The following ERN1 variants were observed in gnomAD, a reference collection of about 807,000 sequenced individuals.
ERN1 encodes the protein serine/threonine-protein kinase/endoribonuclease IRE1.
Under a neutral mutation model 113.1 loss-of-function variants are expected in ERN1, and 39 were observed. That is an observed-to-expected ratio of 0.34 (90% CI 0.27 to 0.45). The LOEUF is 0.45. Ranked by LOEUF, ERN1 falls within the 20% of genes least tolerant of loss-of-function variation. The pLI, the probability that ERN1 is intolerant of heterozygous loss-of-function variation, is 1.00. For synonymous variants in ERN1, 507 were observed against 515.9 expected (o/e 0.98, Z 0.23); for missense variants, 976 against 1,274.8 (o/e 0.77, Z 3.57).
intron 19 of ERN1, among the ~76,000 whole-genome samples, chr17:64,047,137 T>A (rs1055950311): frequency 1.3e-5 from 2 of 152,186 alleles, no homozygotes; most frequent in African/African-American, 4.8e-5. Context: ...GGCGGGCAGA[T>A]CACCTGAGGT....
chr17:64,065,352 AATC>A, intron 8 of ERN1, 65 bp from the exon 9 acceptor site: 1 of 1,223,420 alleles, frequency 8.2e-7, no homozygotes, highest in Non-Finnish European at 1.2e-6. Flanking sequence ...AGAAGGGAGT[AATC>A]ATCACCCCAA....
intron 3 of ERN1, chr17:64,080,341 TC>T (rs1354008108): frequency 1.3e-4 from 21 of 167,850 alleles, no homozygotes; most frequent in Non-Finnish European, 2.5e-4. Flanking sequence ...ATAACTACAG[TC>T]CCTCAGAAAC....
intron 1 of ERN1, among the ~76,000 whole-genome samples, chr17:64,125,605 C>T (rs187201295): frequency 1.8e-4 from 27 of 152,334 alleles, no homozygotes; most frequent in Admixed American, 1.1e-3. Context: ...TCTCCTGCCT[C>T]GGCCTCCCGA....
rs1567864413 is a variant in ERN1 at position 64,057,942 on chromosome 17, G to C, written c.1258C>G (p.Arg420Gly). ...TGGGCGGGCTTCTCCTCCACATCCC[G>C]AGACACGGTGGTAGGTGCGTTTTCT... is the stretch of plus-strand genomic sequence containing the variant. Reference protein sequence around the residue: ...TSENAPTTVSRDVEEKPAHAP... With the variant: ...TSENAPTTVSGDVEEKPAHAP... Residue 420 changes from arginine (R) to glycine (G), a missense_variant, in exon 12 of 22, where the codon CGG (arginine) becomes GGG (glycine). By Grantham distance (125) the Arg-to-Gly change is moderately radical. This residue lies in a region of ERN1 where 459 missense variants were observed against 581.2 expected (regional missense o/e 0.79). Transcript: ENST00000433197. The C allele has an allele frequency of 6.2e-7, 1 of 1,606,416 alleles. No individual in the cohort carries two copies. Among genetic ancestry groups the C allele is most frequent in the Non-Finnish European group, 8.5e-7 (1 of 1,176,394 alleles).
In ERN1 at chr17:64,064,697, G is replaced by A. The variant is rs116978832; in HGVS notation, c.921+512C>T. On this transcript the variant is annotated intron_variant, in intron 9 of 21. Coordinates refer to ENST00000433197, the MANE Select transcript of ERN1 (RefSeq NM_001433.5). ...GGACTTTCAGAGACAGAATGCTTGAGGCAGGCTTGTGAGGCCCAAGGAGGC... is the reference window on the plus strand; with the variant it reads ...GGACTTTCAGAGACAGAATGCTTGAAGCAGGCTTGTGAGGCCCAAGGAGGC... Among the ~76,000 whole-genome samples, 278 of 152,348 alleles carry A rather than the reference G, an allele frequency of 1.8e-3. 1 individual carries two copies. Among genetic ancestry groups the A allele is most frequent in the Non-Finnish European group, 2.9e-3 (198 of 68,036 alleles).
intron 9 of ERN1, among the ~76,000 whole-genome samples, chr17:64,064,736 A>G (rs1215115081): frequency 6.6e-6 from 1 of 152,208 alleles, no homozygotes; most frequent in Non-Finnish European, 1.5e-5. Context: ...GCGAGATTGC[A>G]AAAGCATGCA....
At chr17:64,068,338 T>G in intron 6 of ERN1, 47 bp from the exon 7 acceptor site, 1 of 1,321,396 alleles carries the variant, frequency 7.6e-7, no homozygotes, top group Non-Finnish European at 1.1e-6. Context: ...GGGGCCATAG[T>G]ACCTACTGAG....
rs148571248 is a variant in ERN1, at chr17:64,090,800, G to A, written c.175+7321C>T. 4.7e-3 allele frequency among the ~76,000 whole-genome samples: 717 copies of A among 152,268 alleles called. 4 individuals carry two copies. The highest frequency in any genetic ancestry group is 0.016 in the African/African-American group (679 of 41,540). On this transcript the variant is annotated intron_variant, in intron 2 of 21. Coordinates refer to ENST00000433197, the MANE Select transcript of ERN1 (RefSeq NM_001433.5). The stretch of plus-strand genomic sequence containing the variant: ...AGTGAGTGGGGGTGCAGGTGAACAA[G>A]GCTAGATACAAACCAGTCCCTGTTG...
chr17:64,086,196 A>G (rs1403978936), intron 2 of ERN1, among the ~76,000 whole-genome samples: 1 of 152,186 alleles, frequency 6.6e-6, no homozygotes, highest in African/African-American at 2.4e-5. Flanking sequence ...TTACAGTTCA[A>G]TCAATCTTGA....
chr17:64,071,886 G>C, intron 6 of ERN1, 95 bp downstream of exon 6: 1 of 1,375,386 alleles, frequency 7.3e-7, no homozygotes, highest in Admixed American at 2.2e-5. Context: ...TTGGAAAAAA[G>C]CAGCTCTGGC....
rs566882004 is a variant in ERN1, at chr17:64,049,518, A to C, written c.2254-316T>G. 3.9e-5 allele frequency among the ~76,000 whole-genome samples: 6 copies of C among 152,318 alleles called. No homozygotes were observed. In the South Asian group the frequency reaches 1.0e-3, roughly 26 times the overall value. ...ATATGCAAAAATGGTTGCTTACGAC[A>C]GTGCTTGGCCCATCAAAAGCCCTCC... On this transcript the variant is annotated intron_variant, in intron 17 of 21. Coordinates refer to ENST00000433197, the MANE Select transcript of ERN1 (RefSeq NM_001433.5). The surrounding 1 kb of genome is among the most constrained non-coding windows in gnomAD (Gnocchi z 4.7).
At chr17:64,092,787 A>G (rs1914126163) in intron 2 of ERN1, among the ~76,000 whole-genome samples, 1 of 152,208 alleles carries the variant, frequency 6.6e-6, no homozygotes, top group Non-Finnish European at 1.5e-5. Flanking sequence ...CCCTGGAAAT[A>G]CTAAAGAAAG....
chr17:64,066,239 G>GCATC (rs769544699), intron 8 of ERN1, among the ~76,000 whole-genome samples: 4 of 152,068 alleles, frequency 2.6e-5, no homozygotes, highest in African/African-American at 4.8e-5. Context: ...TAAATCTCTT[G>GCATC]CATCCCTACC....
Position 64,043,913 on chromosome 17 carries a change from G to A in ERN1, c.*75C>T, listed in dbSNP as rs1912418119. Reference sequence around the variant, plus strand: ...GCCTGGTCTCCCTGCAAAGCCGGGAGGCATCAAGCTCTAATTGTGGTGACC... The same window carrying A: ...GCCTGGTCTCCCTGCAAAGCCGGGAAGCATCAAGCTCTAATTGTGGTGACC... On this transcript the variant is annotated 3_prime_UTR_variant, in exon 22 of 22. Transcript: ENST00000433197. 9.8e-7 allele frequency: 1 copy of A among 1,022,972 alleles called. No individual in the cohort carries two copies. Among genetic ancestry groups the A allele is most frequent in the Non-Finnish European group, 1.5e-6 (1 of 685,248 alleles). The allele number at this position is 1,022,972 out of a possible 1,614,324, so 63.4% of individuals were successfully genotyped here.
chr17:64,057,527 C>T (rs1912911437), intron 12 of ERN1, among the ~76,000 whole-genome samples: 1 of 152,142 alleles, frequency 6.6e-6, no homozygotes, highest in Admixed American at 6.5e-5. Flanking sequence ...TGCCACCATG[C>T]CCGGCTAATT....
chr17:64,087,947 G>GT (rs756896396), intron 2 of ERN1, among the ~76,000 whole-genome samples: 7 of 152,172 alleles, frequency 4.6e-5, no homozygotes, highest in South Asian at 2.1e-4. Flanking sequence ...AAAACATGGG[G>GT]TGATAAGTCA....
chr17:64,118,511 A>G (rs892905733), intron 1 of ERN1, among the ~76,000 whole-genome samples: 1 of 152,240 alleles, frequency 6.6e-6, no homozygotes. Context: ...TGGAGTCCAC[A>G]CAGCGCTTTC....
chr17:64,119,376 G>GTTGTTTTTTGTTTTTTTTTTTTT (rs777806993), intron 1 of ERN1, among the ~76,000 whole-genome samples: 9 of 77,896 alleles, frequency 1.2e-4, no homozygotes, highest in African/African-American at 5.0e-4. Flanking sequence ...TTTTTTCTAG[G>GTTGTTTTTTGTTTTTTTTTTTTT]TTTTTTTTTT....
At position 64,054,706 on chromosome 17, in the gene ERN1, G is replaced by T; in HGVS notation, c.1763+32C>A. The T allele has an allele frequency of 6.5e-7, 1 of 1,531,560 alleles. No individual in the cohort carries two copies. Among genetic ancestry groups the T allele is most frequent in the South Asian group, 1.2e-5 (1 of 84,600 alleles). The allele number at this position is 1,531,560 out of a possible 1,614,324, so 94.9% of individuals were successfully genotyped here. A position where few individuals can be genotyped will look rare whatever the true frequency, so the allele number is the denominator to read the frequency against. On this transcript the variant is annotated intron_variant, in intron 14 of 21. Coordinates refer to ENST00000433197, the MANE Select transcript of ERN1 (RefSeq NM_001433.5). This position sits in a 1 kb window ranked among gnomAD's most constrained non-coding sequence, Gnocchi z 4.9. The stretch of plus-strand genomic sequence containing the variant: ...CCTGACAGGCACTTAGACACCAGGC[G>T]GTGAGGGCAGGGGGCTGGCTAATCC...
Sources: gnomAD v4.1 joint callset for allele counts (sites outside exome capture counted in the v4.1 genomes callset) on GRCh38, gnomAD v4.1.1 for gene constraint, gnomAD v4.1.1 regional missense constraint, Gnocchi (gnomAD v3.1) non-coding constraint, MANE v1.5 for transcripts, NCBI Gene and HGNC (gene_info 2026-07-23, HGNC 2026-07-21) for gene names.